LRP1B: variants seen among roughly 807,000 people sequenced by gnomAD.
LRP1B encodes the protein low-density lipoprotein receptor-related protein 1B.
In LRP1B, 217 loss-of-function variants were observed where a neutral mutation model predicts 556.6. That is an observed-to-expected ratio of 0.39 (90% CI 0.35 to 0.44). The LOEUF (loss-of-function observed/expected upper bound fraction) is 0.44, where lower values mean the gene tolerates loss of function less well. Ranked by LOEUF, LRP1B falls within the 20% of genes least tolerant of loss-of-function variation. The probability of loss-of-function intolerance (pLI) is 1.00; values close to 1 mark genes in which losing one functional copy is unlikely to be tolerated. For synonymous variants in LRP1B, 2,047 were observed against 1,865.8 expected (o/e 1.10, Z -2.50); for missense variants, 5,053 against 5,620.8 (o/e 0.90, Z 3.23).
chr2:141,919,000 A>G (rs76090350), intron 1 of LRP1B, among the ~76,000 whole-genome samples: 3,916 of 152,222 alleles, frequency 0.026, 81 homozygotes, highest in East Asian at 0.064. Flanking sequence ...ATGAAAATTG[A>G]TTCTAATGGT....
chr2:141,033,816 G>C (rs1370179083), intron 11 of LRP1B, among the ~76,000 whole-genome samples: 1 of 152,100 alleles, frequency 6.6e-6, no homozygotes, highest in South Asian at 2.1e-4. Context: ...CTCTAGAACT[G>C]TGAACAATAA....
intron 59 of LRP1B, among the ~76,000 whole-genome samples, chr2:140,478,521 T>C (rs1290019589): frequency 6.6e-6 from 1 of 152,174 alleles, no homozygotes; most frequent in Non-Finnish European, 1.5e-5. Context: ...AAGTGATAAC[T>C]GAGAATATAA....
At chr2:141,315,882 C>CTTTTTTTTTTT (rs70991157) in intron 3 of LRP1B, among the ~76,000 whole-genome samples, 2 of 18,140 alleles carry the variant, frequency 1.1e-4, no homozygotes, top group Non-Finnish European at 1.8e-4. Flanking sequence ...TTAGTCTGGT[C>CTTTTTTTTTTT]TTTTTTTTTT....
intron 2 of LRP1B, among the ~76,000 whole-genome samples, chr2:141,503,562 A>G (rs1236885231): frequency 6.6e-6 from 1 of 152,112 alleles, no homozygotes; most frequent in Non-Finnish European, 1.5e-5. Flanking sequence ...CAAGTAAAAT[A>G]CTGGCTGTAT....
intron 2 of LRP1B, among the ~76,000 whole-genome samples, chr2:141,742,633 T>G (rs570820240): frequency 1.6e-4 from 24 of 152,098 alleles, no homozygotes; most frequent in Non-Finnish European, 3.2e-4. Context: ...ATTTTAGGAT[T>G]TTTTTTTGAT....
chr2:142,050,875 T>C (rs1704431500), intron 1 of LRP1B, among the ~76,000 whole-genome samples: 1 of 152,140 alleles, frequency 6.6e-6, no homozygotes, highest in Admixed American at 6.6e-5. Context: ...TCATATTAAA[T>C]ATTTTTTCTC....
chr2:141,469,347 T>C (rs1256298484), intron 3 of LRP1B, among the ~76,000 whole-genome samples: 1 of 152,216 alleles, frequency 6.6e-6, no homozygotes, highest in Non-Finnish European at 1.5e-5. Flanking sequence ...ACTTAATGTA[T>C]TGCAATATTC....
intron 17 of LRP1B, among the ~76,000 whole-genome samples, chr2:140,988,169 A>G (rs1424436232): frequency 6.6e-6 from 1 of 152,002 alleles, no homozygotes; most frequent in Non-Finnish European, 1.5e-5. Flanking sequence ...GTTTCCCCTG[A>G]TCTTTTACCA....
intron 2 of LRP1B, among the ~76,000 whole-genome samples, chr2:141,702,363 C>A (rs888174816): frequency 2.0e-4 from 30 of 151,894 alleles, no homozygotes; most frequent in Non-Finnish European, 4.0e-4. Flanking sequence ...AGCTTCCCCT[C>A]AGCTATAATG....
Position 140,972,942 on chromosome 2 carries a change from T to C in LRP1B, c.2887+9218A>G, listed in dbSNP as rs1055393402. On this transcript the variant is annotated intron_variant, in intron 18 of 90. Transcript: ENST00000389484. ...TAAATTTTTTGCTGATGCAGCTTTT[T>C]GATATATATATATATATACATATAA... Among the ~76,000 whole-genome samples, 82 of 44,326 alleles carry C rather than the reference T, an allele frequency of 1.8e-3. 2 individuals carry two copies. The highest frequency in any genetic ancestry group is 1.3e-3 in the Admixed American group (5 of 3,836). 29.1% of individuals were successfully genotyped at this position (44,326 alleles called of 152,430 possible).
chr2:140,288,389 C>T (rs1683245700), intron 84 of LRP1B, among the ~76,000 whole-genome samples: 1 of 151,698 alleles, frequency 6.6e-6, no homozygotes. Flanking sequence ...CTCTTTAAAG[C>T]ATTTAAAGAT....
At chr2:141,027,693 G>C (rs1698252171) in intron 11 of LRP1B, among the ~76,000 whole-genome samples, 1 of 152,104 alleles carries the variant, frequency 6.6e-6, no homozygotes, top group African/African-American at 2.4e-5. Flanking sequence ...CTGTGTGAGG[G>C]CGCAATGGAC....
chr2:141,983,536 G>A (rs1483070856), intron 1 of LRP1B, among the ~76,000 whole-genome samples: 1 of 152,090 alleles, frequency 6.6e-6, no homozygotes, highest in Admixed American at 6.6e-5. Flanking sequence ...TTGGAGTTTG[G>A]TGCCTTAGTG....
At chr2:140,342,308 A>G (rs1484494298) in intron 77 of LRP1B, among the ~76,000 whole-genome samples, 2 of 151,344 alleles carry the variant, frequency 1.3e-5, no homozygotes, top group Non-Finnish European at 3.0e-5. Context: ...TACTATGGTT[A>G]TAAAAATATT....
At chr2:141,812,733 T>G (rs1696398593) in intron 1 of LRP1B, among the ~76,000 whole-genome samples, 1 of 152,140 alleles carries the variant, frequency 6.6e-6, no homozygotes, top group Non-Finnish European at 1.5e-5. Context: ...CAAAGCCATC[T>G]CCTAGGAGAC....
At chr2:140,509,429 A>G (rs1466282706) in intron 52 of LRP1B, among the ~76,000 whole-genome samples, 1 of 152,162 alleles carries the variant, frequency 6.6e-6, no homozygotes, top group Non-Finnish European at 1.5e-5. Flanking sequence ...CCTCAGCTTC[A>G]TTCGGCTATA....
intron 66 of LRP1B, among the ~76,000 whole-genome samples, chr2:140,402,712 A>G (rs2105231283): frequency 6.6e-6 from 1 of 152,290 alleles, no homozygotes; most frequent in Middle Eastern, 3.4e-3. Context: ...GAGCTACCCC[A>G]GCCACCCTCA....
chr2:141,964,819 T>A (rs1164058432), intron 1 of LRP1B, among the ~76,000 whole-genome samples: 1 of 151,798 alleles, frequency 6.6e-6, no homozygotes, highest in African/African-American at 2.4e-5. Context: ...ACCTACAGAA[T>A]GGGAGAAAAT....
chr2:140,881,816 G>A (rs376372958), intron 25 of LRP1B, among the ~76,000 whole-genome samples: 2 of 152,080 alleles, frequency 1.3e-5, no homozygotes, highest in African/African-American at 4.8e-5. Flanking sequence ...ATTTCACACT[G>A]AAATCATATT....
Sources: gnomAD v4.1 joint callset for allele counts (sites outside exome capture counted in the v4.1 genomes callset) on GRCh38, gnomAD v4.1.1 for gene constraint, MANE v1.5 for transcripts, NCBI Gene and HGNC (gene_info 2026-07-23, HGNC 2026-07-21) for gene names.